Variants in CDH13 observed in about 807,000 individuals in gnomAD.
CDH13 encodes cadherin 13, also known as cadherin-13.
CDH13 carries 24 observed loss-of-function variants against 63.8 expected under a neutral mutation model. That is an observed-to-expected ratio of 0.38 (90% CI 0.27 to 0.53). CDH13 has a LOEUF of 0.53. CDH13 is among the 20% of genes least tolerant of loss of function. The probability of loss-of-function intolerance (pLI) is 0.85; values close to 1 mark genes in which losing one functional copy is unlikely to be tolerated. For missense variants in CDH13, 1,049 were observed against 903.1 expected (o/e 1.16, Z -2.07); for synonymous variants, 503 against 355.3 (o/e 1.42, Z -4.67).
At chr16:83,497,522 GAGGGGGA>G (rs1348426978) in intron 7 of CDH13, among the ~76,000 whole-genome samples, 2 of 105,752 alleles carry the variant, frequency 1.9e-5, no homozygotes, top group East Asian at 3.4e-4. Flanking sequence ...GGGGTGGGGG[GAGGGGGA>G]AGGGATAGCA....
chr16:82,958,807 G>A (rs951260781), intron 2 of CDH13, among the ~76,000 whole-genome samples: 5 of 152,232 alleles, frequency 3.3e-5, no homozygotes, highest in South Asian at 2.1e-4. Flanking sequence ...TCAACAATGC[G>A]ATGCACGCCC....
At chr16:82,797,706 C>T (rs921494181) in intron 1 of CDH13, among the ~76,000 whole-genome samples, 1 of 151,598 alleles carries the variant, frequency 6.6e-6, no homozygotes, top group Non-Finnish European at 1.5e-5. Flanking sequence ...TAAGGTATGT[C>T]TGTTATTTGG....
intron 5 of CDH13, among the ~76,000 whole-genome samples, chr16:83,275,194 A>G (rs1227941723): frequency 1.3e-5 from 2 of 152,230 alleles, no homozygotes; most frequent in Non-Finnish European, 2.9e-5. Context: ...TATGATGTTC[A>G]AGGCCTTAAG....
chr16:83,618,231 C>T (rs1909469227), intron 8 of CDH13, among the ~76,000 whole-genome samples: 1 of 151,710 alleles, frequency 6.6e-6, no homozygotes, highest in Admixed American at 6.6e-5. Context: ...TCAAGACCAG[C>T]CTGGGCAACA....
chr16:83,588,681 A>G (rs966997427), intron 7 of CDH13, among the ~76,000 whole-genome samples: 6 of 152,338 alleles, frequency 3.9e-5, no homozygotes, highest in Middle Eastern at 3.4e-3. Context: ...GATATTTACC[A>G]CTTTGTAGAT....
At chr16:83,094,638 C>A (rs1043262554) in intron 3 of CDH13, among the ~76,000 whole-genome samples, 1 of 152,182 alleles carries the variant, frequency 6.6e-6, no homozygotes, top group Admixed American at 6.5e-5. Context: ...TTCCCAGTGG[C>A]TGAAAGAATG....
intron 7 of CDH13, among the ~76,000 whole-genome samples, chr16:83,509,650 T>C (rs770834634): frequency 2.6e-5 from 4 of 152,128 alleles, no homozygotes; most frequent in Non-Finnish European, 4.4e-5. Context: ...GAAGAAAACA[T>C]ATAAAGGCAA....
At chr16:82,788,595 G>A (rs1486942908) in intron 1 of CDH13, among the ~76,000 whole-genome samples, 1 of 152,180 alleles carries the variant, frequency 6.6e-6, no homozygotes. Flanking sequence ...TCTAATCTTG[G>A]AGCTCAGGGA....
intron 6 of CDH13, among the ~76,000 whole-genome samples, chr16:83,345,932 A>C (rs977849343): frequency 3.3e-5 from 5 of 152,070 alleles, no homozygotes; most frequent in Non-Finnish European, 7.4e-5. Context: ...CCCTTTTCTG[A>C]ATTGATGGGA....
chr16:83,710,978 A>G (rs1769488927), intron 10 of CDH13, among the ~76,000 whole-genome samples: 2 of 152,184 alleles, frequency 1.3e-5, no homozygotes, highest in African/African-American at 4.8e-5. Flanking sequence ...CTACAGGCAT[A>G]CTGGGACTCA....
At chr16:83,291,804 G>T (rs2151866332) in intron 5 of CDH13, among the ~76,000 whole-genome samples, 1 of 152,252 alleles carries the variant, frequency 6.6e-6, no homozygotes, top group East Asian at 1.9e-4. Flanking sequence ...AAAATGCCCT[G>T]AGCTGCCCCT....
At chr16:82,865,989 AC>A (rs2040122690) in intron 2 of CDH13, among the ~76,000 whole-genome samples, 1 of 152,126 alleles carries the variant, frequency 6.6e-6, no homozygotes, top group African/African-American at 2.4e-5. Flanking sequence ...TCTGCCAGAT[AC>A]CCTAAATCAC....
intron 4 of CDH13, among the ~76,000 whole-genome samples, chr16:83,131,080 G>T (rs916358698): frequency 2.6e-5 from 4 of 151,882 alleles, no homozygotes; most frequent in Non-Finnish European, 5.9e-5. Context: ...TAGAATTTGG[G>T]ATCTGCTTTT....
chr16:83,063,373 G>C (rs1008786294), intron 3 of CDH13, among the ~76,000 whole-genome samples: 1 of 152,144 alleles, frequency 6.6e-6, no homozygotes. Flanking sequence ...TGTTCTGTTC[G>C]TCAAAGCAGC....
chr16:82,976,258 C>T lies in CDH13; in HGVS notation c.158-55752C>T, dbSNP rs1909489418. The stretch of plus-strand genomic sequence containing the variant: ...CTGGGGCTCTGAAGAAGTTAACAAA[C>T]ACCAGCTCCACTTCCTGGGCCTCTG... On this transcript the variant is annotated intron_variant, in intron 2 of 13. Transcript: ENST00000567109. 2.0e-5 allele frequency among the ~76,000 whole-genome samples: 3 copies of T among 152,172 alleles called. No individual in the cohort carries two copies. The South Asian group carries it at 6.2e-4, about 31-fold the overall frequency.
rs565020643 is a variant in CDH13, at chr16:82,858,252, G to A, written c.46-110G>A. On this transcript the variant is annotated intron_variant, in intron 1 of 13. Transcript: ENST00000567109. The stretch of plus-strand genomic sequence containing the variant: ...AGTTTCAACTTACCTCTTCATTTGG[G>A]AAATGAAATCAAAACCTCAGCTTGT... The A allele has an allele frequency of 8.6e-5, 57 of 663,450 alleles. No homozygotes were observed. In the African/African-American group the frequency reaches 9.2e-4, roughly 11 times the overall value. The allele number at this position is 663,450 out of a possible 1,614,324, so 41.1% of individuals were successfully genotyped here.
intron 3 of CDH13, among the ~76,000 whole-genome samples, chr16:83,036,492 C>G (rs1019164711): frequency 6.6e-6 from 1 of 152,134 alleles, no homozygotes; most frequent in Non-Finnish European, 1.5e-5. Context: ...GGCTCACCAT[C>G]TGGAACAGAG....
At chr16:82,938,325 G>A (rs1174936983) in intron 2 of CDH13, among the ~76,000 whole-genome samples, 1 of 152,202 alleles carries the variant, frequency 6.6e-6, no homozygotes, top group Non-Finnish European at 1.5e-5. Flanking sequence ...GCTTCCTGGC[G>A]ATTTGACTTG....
chr16:83,367,735 C>T (rs970641237), intron 6 of CDH13, among the ~76,000 whole-genome samples: 1 of 152,096 alleles, frequency 6.6e-6, no homozygotes, highest in Non-Finnish European at 1.5e-5. Context: ...TTTCCTTTTT[C>T]AAGATTGCTT....
Sources: allele counts gnomAD v4.1 joint callset (sites outside exome capture counted in the v4.1 genomes callset), GRCh38; gene constraint gnomAD v4.1.1; transcripts MANE v1.5; gene names NCBI Gene and HGNC (gene_info 2026-07-23, HGNC 2026-07-21).